The following TENM2 variants were observed in gnomAD, a reference collection of about 807,000 sequenced individuals.
The protein encoded by TENM2 is teneurin-2.
TENM2 carries 52 observed loss-of-function variants against 245.2 expected under a neutral mutation model. The ratio of observed to expected loss-of-function variants is 0.21; its 90% confidence interval spans 0.17 to 0.27. The LOEUF (loss-of-function observed/expected upper bound fraction) is 0.27. Ranked by LOEUF, TENM2 falls within the 10% of genes least tolerant of loss-of-function variation. The pLI, the probability that TENM2 is intolerant of heterozygous loss-of-function variation, is 1.00. For missense variants in TENM2, 3,046 were observed against 3,666.8 expected, an observed-to-expected ratio of 0.83 and a Z score of 4.37; for synonymous variants, 1,363 against 1,438.9, an observed-to-expected ratio of 0.95 and a Z score of 1.19.
intron 2 of TENM2, among the ~76,000 whole-genome samples, chr5:167,405,096 T>C (rs1400361617): frequency 2.0e-5 from 3 of 152,218 alleles, no homozygotes; most frequent in African/African-American, 7.2e-5. Context: ...AATTAATCCG[T>C]GCCACAGAAT....
chr5:167,452,932 T>TAC (rs1765674839), intron 2 of TENM2, among the ~76,000 whole-genome samples: 1 of 14,078 alleles, frequency 7.1e-5, no homozygotes, highest in Non-Finnish European at 1.2e-4. Context: ...AAGTATGATT[T>TAC]ATATATATAT....
the TENM2 span, among the ~76,000 whole-genome samples, chr5:167,121,532 A>G: frequency 1.3e-5 from 2 of 152,206 alleles, no homozygotes; most frequent in Admixed American, 1.3e-4. Context: ...AGTGAGAGAA[A>G]CAGTAGTACC....
chr5:167,851,028 T>G (rs1770532292), intron 2 of TENM2, among the ~76,000 whole-genome samples: 1 of 152,198 alleles, frequency 6.6e-6, no homozygotes, highest in Non-Finnish European at 1.5e-5. Flanking sequence ...TCCCAGGAGA[T>G]AAATTTCTCC....
chr5:168,084,124 C>T (rs1031352826), intron 7 of TENM2, among the ~76,000 whole-genome samples: 2 of 152,152 alleles, frequency 1.3e-5, no homozygotes, highest in East Asian at 1.9e-4. Flanking sequence ...CATAGTATTC[C>T]GTGGTGTATA....
intron 6 of TENM2, among the ~76,000 whole-genome samples, chr5:168,060,553 A>G (rs1194393077): frequency 6.6e-6 from 1 of 152,156 alleles, no homozygotes; most frequent in Non-Finnish European, 1.5e-5. Context: ...AGGCTTCCAA[A>G]CTTCCTTTCG....
At chr5:168,235,737 A>G (rs1414419797) in intron 25 of TENM2, among the ~76,000 whole-genome samples, 3 of 152,110 alleles carry the variant, frequency 2.0e-5, no homozygotes, top group African/African-American at 7.2e-5. Flanking sequence ...AACATGCTAG[A>G]CAGAGGTTGC....
chr5:167,039,624 T>A, the TENM2 span, among the ~76,000 whole-genome samples: 2 of 124,750 alleles, frequency 1.6e-5, no homozygotes, highest in Non-Finnish European at 1.7e-5. Context: ...CAAAAAAAAA[T>A]GTTGCAGTGA....
intron 2 of TENM2, among the ~76,000 whole-genome samples, chr5:167,850,980 C>T (rs1372379789): frequency 6.6e-6 from 1 of 152,206 alleles, no homozygotes; most frequent in African/African-American, 2.4e-5. Flanking sequence ...CTAGTACTAT[C>T]ACTCTTAGGG....
At chr5:167,227,132 G>A in the TENM2 span, among the ~76,000 whole-genome samples, 18 of 151,652 alleles carry the variant, frequency 1.2e-4, no homozygotes, top group Admixed American at 3.9e-4. Context: ...TTCATTCAGC[G>A]AGTCTATATC....
At chr5:167,288,298 A>G (rs977068120) in intron 1 of TENM2, among the ~76,000 whole-genome samples, 1 of 152,064 alleles carries the variant, frequency 6.6e-6, no homozygotes, top group Admixed American at 6.5e-5. Context: ...GGTGGCTCAC[A>G]CCTGTAATCC....
intron 2 of TENM2, among the ~76,000 whole-genome samples, chr5:167,631,473 C>T (rs1468482155): frequency 6.6e-6 from 1 of 152,094 alleles, no homozygotes; most frequent in African/African-American, 2.4e-5. Flanking sequence ...GTGGCTGAAG[C>T]ATAGGGAGTA....
chr5:167,963,592 T>TATTAA (rs1781173081), intron 4 of TENM2, among the ~76,000 whole-genome samples: 1 of 152,188 alleles, frequency 6.6e-6, no homozygotes, highest in Non-Finnish European at 1.5e-5. Flanking sequence ...GATTTCTGGG[T>TATTAA]TTGATGGAAT....
At chr5:167,047,891 C>T in the TENM2 span, among the ~76,000 whole-genome samples, 2 of 152,078 alleles carry the variant, frequency 1.3e-5, no homozygotes, top group Non-Finnish European at 2.9e-5. Flanking sequence ...TTTACACACA[C>T]TAATGTTGGG....
chr5:167,410,562 AAT>A (rs1165638159), intron 2 of TENM2, among the ~76,000 whole-genome samples: 1 of 152,002 alleles, frequency 6.6e-6, no homozygotes, highest in Admixed American at 6.6e-5. Flanking sequence ...GAAAAAAAAA[AAT>A]GTGTCTAAGT....
intron 2 of TENM2, among the ~76,000 whole-genome samples, chr5:167,731,565 ATT>A (rs112353111): frequency 6.7e-6 from 1 of 148,936 alleles, no homozygotes; most frequent in Non-Finnish European, 1.5e-5. Context: ...TAACAAAAGC[ATT>A]TTTTTTTTAT....
chr5:167,937,027 A>G (rs922711936), intron 3 of TENM2, among the ~76,000 whole-genome samples: 1 of 152,200 alleles, frequency 6.6e-6, no homozygotes, highest in Non-Finnish European at 1.5e-5. Flanking sequence ...GTATATATTT[A>G]TGGTATACAC....
intron 1 of TENM2, among the ~76,000 whole-genome samples, chr5:167,336,176 C>CT (rs35059289): frequency 0.47 from 39,371 of 83,020 alleles, 10,548 homozygotes; most frequent in Non-Finnish European, 0.55. Context: ...TTCATTTCTC[C>CT]TTTTTTTTTT....
exon 27 of TENM2, chr5:168,248,315 T>A: frequency 3.7e-6 from 6 of 1,614,042 alleles, no homozygotes; most frequent in Non-Finnish European, 5.1e-6. Flanking sequence ...AACCTGTATA[T>A]GTTCAAGAGC....
At chr5:167,836,894 G>A (rs1036588590) in intron 2 of TENM2, among the ~76,000 whole-genome samples, 14 of 151,938 alleles carry the variant, frequency 9.2e-5, no homozygotes, top group South Asian at 2.1e-4. Flanking sequence ...GATCATGCTC[G>A]GTTTTCTGAG....
Sources: allele counts gnomAD v4.1 joint callset (sites outside exome capture counted in the v4.1 genomes callset), GRCh38; gene constraint gnomAD v4.1.1; transcripts MANE v1.5; gene names NCBI Gene and HGNC (gene_info 2026-07-23, HGNC 2026-07-21).